The following NCOR2 variants were observed in gnomAD, a reference collection of about 807,000 sequenced individuals.
NCOR2 encodes the protein CTG repeat protein 26.
In NCOR2, 81 loss-of-function variants were observed where a neutral mutation model predicts 262.9. The ratio of observed to expected loss-of-function variants is 0.31; its 90% confidence interval spans 0.26 to 0.37. The LOEUF (loss-of-function observed/expected upper bound fraction) is 0.37. Among genes scored for constraint, NCOR2 ranks in the 10% least tolerant of loss-of-function variants. NCOR2 has a pLI of 1.00. For synonymous variants in NCOR2, 1,659 were observed against 1,559.3 expected (o/e 1.06, Z -1.51); for missense variants, 3,385 against 3,621.4 (o/e 0.93, Z 1.68).
rs369854394 is a variant in NCOR2, at chr12:124,531,058, C to T, written c.-118+4507G>A. Reference sequence around the variant, plus strand: ...CACGGTTCCTGGGCTCCACCCAACCCGCCTCTCCCAGGGAAGCAGGGACAA... The same window carrying T: ...CACGGTTCCTGGGCTCCACCCAACCTGCCTCTCCCAGGGAAGCAGGGACAA... On this transcript the variant is annotated intron_variant, in intron 1 of 46. Coordinates refer to the NCOR2 transcript ENST00000404621. The surrounding 1 kb of genome is among the most constrained non-coding windows in gnomAD (Gnocchi z 4.5). Among the ~76,000 whole-genome samples, 24 of 152,312 alleles carry T rather than the reference C, an allele frequency of 1.6e-4. 1 individual carries two copies. The highest frequency in any genetic ancestry group is 9.7e-4 in the East Asian group (5 of 5,180).
chr12:124,532,754 G>C (rs1239458373), intron 1 of NCOR2, among the ~76,000 whole-genome samples: 1 of 152,152 alleles, frequency 6.6e-6, no homozygotes, highest in Admixed American at 6.5e-5. Context: ...GGAGGAGGCT[G>C]GGAAAAACAG....
chr12:124,331,042 C>G, intron 43 of NCOR2, 144 bp from the exon 46 acceptor site: 1 of 674,260 alleles, frequency 1.5e-6, no homozygotes, highest in Non-Finnish European at 2.5e-6. Context: ...AGGCCTGGGA[C>G]AGGGCCAAGC....
At chr12:124,325,379 C>CGGGCG in exon 47 of NCOR2, 1 of 317,188 alleles carries the variant, frequency 3.2e-6, no homozygotes, top group African/African-American at 3.0e-5. Context: ...CTGACACCGC[C>CGGGCG]CCCCCCCCCG....
intron 7 of NCOR2, among the ~76,000 whole-genome samples, chr12:124,441,604 AG>A (rs912516592): frequency 1.6e-4 from 24 of 152,370 alleles, no homozygotes; most frequent in East Asian, 1.4e-3. Flanking sequence ...AAGGAGCAAC[AG>A]GAAATTTGCA....
chr12:124,423,719 G>C (rs1042845504), intron 11 of NCOR2, among the ~76,000 whole-genome samples: 3 of 152,184 alleles, frequency 2.0e-5, no homozygotes, highest in Admixed American at 6.5e-5. Context: ...GGGCTCCCAA[G>C]AGACCAGGAA....
rs1385895086 is a variant in NCOR2 at position 124,432,136 on chromosome 12, G to T, written c.883-1349C>A. On this transcript the variant is annotated intron_variant, in intron 8 of 46. Transcript: ENST00000405201. This position sits in a 1 kb window ranked among gnomAD's most constrained non-coding sequence, Gnocchi z 5.1. Reference sequence around the variant, plus strand: ...ACATATGACAGACACACACACAGTCGCAGGCAGACAAACAGATGCACACAC... The same window carrying T: ...ACATATGACAGACACACACACAGTCTCAGGCAGACAAACAGATGCACACAC... Among the ~76,000 whole-genome samples, 1 of 151,460 alleles carries T rather than the reference G, an allele frequency of 6.6e-6. No homozygotes were observed. Among genetic ancestry groups the T allele is most frequent in the Non-Finnish European group, 1.5e-5 (1 of 67,864 alleles).
chr12:124,466,979 C>T (rs555698112), intron 4 of NCOR2, among the ~76,000 whole-genome samples: 2 of 147,024 alleles, frequency 1.4e-5, no homozygotes, highest in South Asian at 2.3e-4. Flanking sequence ...TCACCCCCAT[C>T]ATCCTCATCC....
intron 20 of NCOR2, among the ~76,000 whole-genome samples, chr12:124,370,632 T>A (rs2039423545): frequency 6.6e-6 from 1 of 152,206 alleles, no homozygotes; most frequent in African/African-American, 2.4e-5. Context: ...GGGTCTGCCC[T>A]CTGCCAACCG....
At chr12:124,468,363 C>G in intron 4 of NCOR2, among the ~76,000 whole-genome samples, 1 of 55,054 alleles carries the variant, frequency 1.8e-5, no homozygotes, top group South Asian at 1.4e-3. Context: ...CATCCTCATC[C>G]TCATCACCCC....
intron 14 of NCOR2, 123 bp downstream of exon 16, chr12:124,402,281 T>TCC: frequency 6.6e-7 from 1 of 1,521,404 alleles, no homozygotes; most frequent in Non-Finnish European, 8.9e-7. Context: ...CAGAAAGCCC[T>TCC]CCCCCCTGCT....
intron 3 of NCOR2, among the ~76,000 whole-genome samples, chr12:124,478,734 C>T (rs1022443730): frequency 6.6e-6 from 1 of 151,822 alleles, no homozygotes; most frequent in Admixed American, 6.6e-5. Flanking sequence ...GAGACGAAGA[C>T]AGACAGACAG....
chr12:124,382,867 G>C (rs1308329106), intron 17 of NCOR2, among the ~76,000 whole-genome samples: 2 of 152,206 alleles, frequency 1.3e-5, no homozygotes. Flanking sequence ...ACAGCCCTAC[G>C]ACTGGGTCCC....
intron 41 of NCOR2, among the ~76,000 whole-genome samples, chr12:124,334,014 G>A (rs1378478315): frequency 1.3e-5 from 2 of 152,118 alleles, no homozygotes; most frequent in African/African-American, 4.8e-5. Context: ...GCATGTGTGT[G>A]GGTGTGCATG....
intron 2 of NCOR2, among the ~76,000 whole-genome samples, chr12:124,485,241 C>T (rs149524491): frequency 5.7e-4 from 87 of 152,356 alleles, no homozygotes; most frequent in African/African-American, 1.8e-3. Flanking sequence ...CAAAATAAGA[C>T]CTTCTTTGGA....
intron 10 of NCOR2, among the ~76,000 whole-genome samples, chr12:124,429,007 C>T (rs978623775): frequency 1.3e-5 from 2 of 152,182 alleles, no homozygotes; most frequent in Non-Finnish European, 1.5e-5. Context: ...CATCTGTGGG[C>T]CCCAGTGACG....
At position 124,473,063 on chromosome 12, in the gene NCOR2, C is replaced by T. The variant is rs200468606; in HGVS notation, c.480G>A (p.Leu160=). The T allele has an allele frequency of 8.7e-6, 14 of 1,613,990 alleles. No homozygotes were observed. The African/African-American group carries it at 1.6e-4, about 18-fold the overall frequency. Residue 160 remains leucine (L), a synonymous_variant, in exon 4 of 47, where the codon CTG becomes CTA. Transcript: ENST00000405201. ...TGGACAGCCGTGGCGGCACCAGCTC[C>T]AGCTCAGGGTCAGTGTGCGGGGGGC... is the stretch of plus-strand genomic sequence containing the variant.
intron 18 of NCOR2, among the ~76,000 whole-genome samples, chr12:124,375,775 G>A (rs1593274010): frequency 6.6e-6 from 1 of 152,182 alleles, no homozygotes; most frequent in African/African-American, 2.4e-5. Flanking sequence ...TCACTATGAG[G>A]ATACTATTAT....
intron 5 of NCOR2, among the ~76,000 whole-genome samples, chr12:124,462,335 T>A (rs933284393): frequency 4.6e-5 from 7 of 152,116 alleles, no homozygotes; most frequent in Admixed American, 6.5e-5. Context: ...GGGCAGCACC[T>A]ACTCACCCAA....
Position 124,515,146 on chromosome 12 carries a change from C to G in NCOR2, c.-117-19778G>C, listed in dbSNP as rs535211155. ...ACAAAGCAAACTCTGCCTGGACCCC[C>G]TGGGATGTCCAAGGGACCAAGCTCA... On this transcript the variant is annotated intron_variant, in intron 1 of 46. Coordinates refer to the NCOR2 transcript ENST00000404621. Among the ~76,000 whole-genome samples the G allele has an allele frequency of 6.6e-5, 10 of 152,264 alleles. No homozygotes were observed. In the South Asian group the frequency reaches 1.9e-3, roughly 28 times the overall value.
Sources: allele counts gnomAD v4.1 joint callset (sites outside exome capture counted in the v4.1 genomes callset), GRCh38; gene constraint gnomAD v4.1.1; non-coding constraint Gnocchi (gnomAD v3.1); transcripts MANE v1.5; gene names NCBI Gene and HGNC (gene_info 2026-07-23, HGNC 2026-07-21).